The following BFSP2 variants were observed in gnomAD, a reference collection of about 807,000 sequenced individuals.
BFSP2 encodes phakinin.
In BFSP2, 38 loss-of-function variants were observed where a neutral mutation model predicts 44.9. The observed-to-expected ratio is 0.85, with a 90% confidence interval of 0.65 to 1.11. BFSP2 has a LOEUF of 1.11. Among genes scored for constraint, BFSP2 ranks in the 50% least tolerant of loss-of-function variants. The pLI, the probability that BFSP2 is intolerant of heterozygous loss-of-function variation, is 0.00. For synonymous variants in BFSP2, 197 were observed against 209.9 expected, an observed-to-expected ratio of 0.94 and a Z score of 0.53; for missense variants, 525 against 533.0, an observed-to-expected ratio of 0.99 and a Z score of 0.15.
In BFSP2 at chr3:133,400,238, G is replaced by T. The variant is rs145301682; in HGVS notation, c.155G>T (p.Arg52Leu). ...SRTNAMSGLV[R>L]APGVYVGTAP... ...ACCAATGCCATGAGTGGCCTTGTCC[G>T]AGCACCCGGGGTCTATGTAGGAACA... is the stretch of plus-strand genomic sequence containing the variant. Residue 52 changes from arginine (R) to leucine (L), a missense_variant, in exon 1 of 7, where the codon CGA (arginine) becomes CTA (leucine). Coordinates refer to ENST00000302334, the MANE Select transcript of BFSP2 (RefSeq NM_003571.4). This position sits in a 1 kb window ranked among gnomAD's most constrained non-coding sequence, Gnocchi z 4.0. 8 of 1,613,952 alleles carry T rather than the reference G, an allele frequency of 5.0e-6. No homozygotes were observed. The highest frequency in any genetic ancestry group is 6.8e-6 in the Non-Finnish European group (8 of 1,179,940).
intron 1 of BFSP2, among the ~76,000 whole-genome samples, chr3:133,406,210 T>C (rs2073403399): frequency 6.6e-6 from 1 of 152,138 alleles, no homozygotes; most frequent in African/African-American, 2.4e-5. Flanking sequence ...CCACCAGCCT[T>C]GGCCTGCCAA....
intron 1 of BFSP2, among the ~76,000 whole-genome samples, chr3:133,443,021 C>G (rs1041898292): frequency 6.6e-6 from 1 of 151,978 alleles, no homozygotes; most frequent in Non-Finnish European, 1.5e-5. Context: ...CCACGCCCAG[C>G]TAATTTTTTG....
intron 4 of BFSP2, among the ~76,000 whole-genome samples, chr3:133,461,414 G>C (rs1035138117): frequency 2.0e-5 from 3 of 152,118 alleles, no homozygotes; most frequent in African/African-American, 7.2e-5. Context: ...GTGCAAACAC[G>C]GGCGGCTCAG....
At chr3:133,470,582 G>A (rs539306346) in intron 5 of BFSP2, among the ~76,000 whole-genome samples, 15 of 152,334 alleles carry the variant, frequency 9.8e-5, no homozygotes, top group South Asian at 6.2e-4. Flanking sequence ...AGGACATGGT[G>A]CATGGGAAGA....
intron 4 of BFSP2, among the ~76,000 whole-genome samples, chr3:133,465,590 G>C (rs984748568): frequency 1.3e-5 from 2 of 152,068 alleles, no homozygotes; most frequent in African/African-American, 4.8e-5. Flanking sequence ...TCTTGCTCTG[G>C]GGAGAAGTTA....
chr3:133,437,225 A>G (rs1022061095), intron 1 of BFSP2, among the ~76,000 whole-genome samples: 1 of 152,196 alleles, frequency 6.6e-6, no homozygotes, highest in African/African-American at 2.4e-5. Flanking sequence ...GCTCAATTTT[A>G]TAAGAAAAGG....
At chr3:133,456,683 C>A (rs1271574493) in intron 4 of BFSP2, among the ~76,000 whole-genome samples, 1 of 152,106 alleles carries the variant, frequency 6.6e-6, no homozygotes, top group African/African-American at 2.4e-5. Flanking sequence ...CCTAGGAGGT[C>A]GAGGTTGCAG....
chr3:133,450,194 T>C (rs2073948887), intron 3 of BFSP2, 109 bp from the exon 4 acceptor site: 1 of 1,243,920 alleles, frequency 8.0e-7, no homozygotes, highest in South Asian at 1.3e-5. Context: ...TGTCTGGCAG[T>C]TGTGGAATGA....
chr3:133,453,002 G>C (rs2073979760), intron 4 of BFSP2, among the ~76,000 whole-genome samples: 2 of 152,208 alleles, frequency 1.3e-5, no homozygotes, highest in South Asian at 4.1e-4. Flanking sequence ...AGATTCATTA[G>C]TGTTTTTTTA....
At chr3:133,452,867 T>C (rs1433386722) in intron 4 of BFSP2, among the ~76,000 whole-genome samples, 1 of 152,094 alleles carries the variant, frequency 6.6e-6, no homozygotes, top group African/African-American at 2.4e-5. Context: ...GGACAGACTA[T>C]TATAATTATC....
chr3:133,437,240 G>A (rs2073796035), intron 1 of BFSP2, among the ~76,000 whole-genome samples: 1 of 152,158 alleles, frequency 6.6e-6, no homozygotes, highest in South Asian at 2.1e-4. Flanking sequence ...AAAAGGAACT[G>A]AGGGCTGGGC....
At chr3:133,433,701 A>G (rs934450427) in intron 1 of BFSP2, among the ~76,000 whole-genome samples, 1 of 152,180 alleles carries the variant, frequency 6.6e-6, no homozygotes, top group African/African-American at 2.4e-5. Flanking sequence ...ACCAGCCTTT[A>G]TTAGTCAAAT....
Position 133,459,592 on chromosome 3 carries a change from C to T in BFSP2, c.892-7236C>T, listed in dbSNP as rs541102869. 1.1e-4 allele frequency among the ~76,000 whole-genome samples: 16 copies of T among 152,284 alleles called. No homozygotes were observed. In the East Asian group the frequency reaches 1.5e-3, roughly 15 times the overall value. On this transcript the variant is annotated intron_variant, in intron 4 of 6. Transcript: ENST00000302334. The stretch of plus-strand genomic sequence containing the variant: ...CTCACAGAGAAACTTGTAGCCCAGC[C>T]GGGCCAGCTCCTCTGCCAGTGTTGA...
chr3:133,426,673 C>T (rs1163671543), intron 1 of BFSP2, among the ~76,000 whole-genome samples: 1 of 152,210 alleles, frequency 6.6e-6, no homozygotes, highest in African/African-American at 2.4e-5. Context: ...AAGAGCTCTT[C>T]ACATTCTAAA....
Position 133,472,340 on chromosome 3 carries a change from T to G in BFSP2, c.1024-5T>G. 6.2e-7 allele frequency: 1 copy of G among 1,609,566 alleles called. No homozygotes were observed. Among genetic ancestry groups the G allele is most frequent in the Non-Finnish European group, 8.5e-7 (1 of 1,179,728 alleles). ...CGGGTTTGGACCGGGTTCGCTCTTTTGTAGAAACGAGGCCTGGAGAACACC... is the reference window on the plus strand; with the variant it reads ...CGGGTTTGGACCGGGTTCGCTCTTTGGTAGAAACGAGGCCTGGAGAACACC... On this transcript the variant is annotated splice_region_variant and splice_polypyrimidine_tract_variant and intron_variant, in intron 5 of 6. Coordinates refer to ENST00000302334, the MANE Select transcript of BFSP2 (RefSeq NM_003571.4).
chr3:133,453,294 C>A (rs148158708), intron 4 of BFSP2, among the ~76,000 whole-genome samples: 1 of 152,228 alleles, frequency 6.6e-6, no homozygotes, highest in Non-Finnish European at 1.5e-5. Context: ...TGGCTTAGCA[C>A]ACACAGCTTT....
chr3:133,474,660 T>C (rs372359083), intron 6 of BFSP2, among the ~76,000 whole-genome samples: 2 of 152,342 alleles, frequency 1.3e-5, no homozygotes, highest in East Asian at 3.9e-4. Flanking sequence ...TAAGAATCTA[T>C]GTGCTACGTT....
At chr3:133,408,193 T>C (rs2073419869) in intron 1 of BFSP2, among the ~76,000 whole-genome samples, 1 of 152,182 alleles carries the variant, frequency 6.6e-6, no homozygotes, top group African/African-American at 2.4e-5. Context: ...GATAGCACTC[T>C]TTTATTTTTA....
At chr3:133,412,162 G>A (rs1480921121) in intron 1 of BFSP2, 1 of 152,218 alleles carries the variant, frequency 6.6e-6, no homozygotes, top group African/African-American at 2.4e-5. Flanking sequence ...GTGGCAAGAC[G>A]TGTGGGCACA....
Sources: gnomAD v4.1 joint callset for allele counts (sites outside exome capture counted in the v4.1 genomes callset) on GRCh38, gnomAD v4.1.1 for gene constraint, Gnocchi (gnomAD v3.1) non-coding constraint, MANE v1.5 for transcripts, NCBI Gene and HGNC (gene_info 2026-07-23, HGNC 2026-07-21) for gene names.